Variants in BRAT1 observed in about 807,000 individuals in gnomAD.
The protein encoded by BRAT1 is integrator complex assembly factor BRAT1.
A neutral mutation model predicts 70.6 loss-of-function variants in BRAT1; 74 were observed. That is an observed-to-expected ratio of 1.05 (90% CI 0.87 to 1.27). The LOEUF is 1.27. Ranked by LOEUF, BRAT1 falls within the 50% of genes most tolerant of loss-of-function variation. The pLI, the probability that BRAT1 is intolerant of heterozygous loss-of-function variation, is 0.00. For missense variants in BRAT1, 1,203 were observed against 1,098.2 expected (o/e 1.10, Z -1.35); for synonymous variants, 615 against 517.1 (o/e 1.19, Z -2.57).
chr7:2,542,992 G>A (rs1335891236), intron 6 of BRAT1: 4 of 477,136 alleles, frequency 8.4e-6, no homozygotes, highest in Admixed American at 4.2e-5. Flanking sequence ...TGGGGATCTC[G>A]CAGAGCTTTG....
chr7:2,545,017 G>C lies in BRAT1; in HGVS notation c.322C>G (p.Pro108Ala). ...LLPGLFGEPG[P>A]LGRATWAVPT... ...ACGGCCCAGGTTGCTCGGCCGAGGG[G>C]TCCTGGCTCCCCAAAGAGCCCTGGT... Residue 108 changes from proline (P) to alanine (A), a missense_variant, in exon 4 of 14, where the codon CCC (proline) becomes GCC (alanine). By Grantham distance (27) the Pro-to-Ala change is conservative. Transcript: ENST00000340611. The C allele has an allele frequency of 6.5e-7, 1 of 1,531,860 alleles. No homozygotes were observed. The highest frequency in any genetic ancestry group is 1.2e-5 in the South Asian group (1 of 80,616). The allele number at this position is 1,531,860 out of a possible 1,614,324, so 94.9% of individuals were successfully genotyped here.
chr7:2,538,542 T>G lies in BRAT1; in HGVS notation c.1993A>C (p.Thr665Pro). 6.2e-7 allele frequency: 1 copy of G among 1,603,452 alleles called. No homozygotes were observed. The highest frequency in any genetic ancestry group is 8.5e-7 in the Non-Finnish European group (1 of 1,178,212). ...LELALVFLGQTLGPPRTHCPY... is the reference protein window; with the variant it reads ...LELALVFLGQPLGPPRTHCPY... ...CAGTGGGTACGCGGCGGCCCCAAAG[T>G]CTGGCCCAGGAACACGAGGGCCAGC... Residue 665 changes from threonine to proline, a missense_variant, in exon 14 of 14, where the codon ACT (threonine) becomes CCT (proline). Physicochemically the swap from Thr to Pro is conservative, Grantham distance 38. Transcript: ENST00000340611.
intron 2 of BRAT1, among the ~76,000 whole-genome samples, chr7:2,552,102 A>ATTTTTTTTT (rs1562593631): frequency 6.8e-5 from 1 of 14,714 alleles, no homozygotes; most frequent in African/African-American, 2.2e-4. Flanking sequence ...ATATATATAT[A>ATTTTTTTTT]TATATTTTTT....
Position 2,543,953 on chromosome 7 carries a change from T to TCGC in BRAT1, c.439_440insGCG (p.Val146_Asp147insGly). ...GTCTCCCTGCAGGGAGAAGATGGTG[T>TCGC]CGACCGCACCTGGGTAGGGGATGGG... On this transcript the variant is annotated inframe_insertion, in exon 5 of 14. Transcript: ENST00000340611. The surrounding 1 kb of genome is among the most constrained non-coding windows in gnomAD (Gnocchi z 5.5). 6.4e-7 allele frequency: 1 copy of TCGC among 1,570,478 alleles called. No homozygotes were observed. The highest frequency in any genetic ancestry group is 8.7e-7 in the Non-Finnish European group (1 of 1,152,588).
In BRAT1 at chr7:2,543,918, A is replaced by T. The variant is rs765633359; in HGVS notation, c.475T>A (p.Phe159Ile). Residue 159 changes from phenylalanine to isoleucine, a missense_variant, in exon 5 of 14, where the codon TTT (phenylalanine) becomes ATT (isoleucine). By Grantham distance (21) the Phe-to-Ile change is conservative. Coordinates refer to ENST00000340611, the MANE Select transcript of BRAT1 (RefSeq NM_152743.4). The surrounding 1 kb of genome is among the most constrained non-coding windows in gnomAD (Gnocchi z 5.5). ...AGCTGACTGGCCGCCGAGGCCACAA[A>T]CAGGCTGGAGTCTCCCTGCAGGGAG... ...IFSLQGDSSL[F>I]VASAASQLLV... The T allele has an allele frequency of 6.2e-7, 1 of 1,605,344 alleles. No homozygotes were observed. The highest frequency in any genetic ancestry group is 1.7e-5 in the Admixed American group (1 of 59,608).
chr7:2,547,603 C>T (rs1779710453), intron 2 of BRAT1, 125 bp from the exon 3 acceptor site: 1 of 1,031,682 alleles, frequency 9.7e-7, no homozygotes, highest in African/African-American at 1.6e-5. Context: ...AGGGATCCAA[C>T]TGGGAAAAAA....
Position 2,543,472 on chromosome 7 carries a change from G to C in BRAT1, c.803+118C>G. 1 of 1,477,080 alleles carries C rather than the reference G, an allele frequency of 6.8e-7. No homozygotes were observed. Among genetic ancestry groups the C allele is most frequent in the Non-Finnish European group, 9.0e-7 (1 of 1,116,646 alleles). 91.5% of individuals were successfully genotyped at this position (1,477,080 alleles called of 1,614,324 possible). A position where few individuals can be genotyped will look rare whatever the true frequency, so the allele number is the denominator to read the frequency against. The stretch of plus-strand genomic sequence containing the variant: ...AGGGTTCCAGGGTCACCCCGGTGCC[G>C]CTTCACTGCAGGCCATGTCCTCAGA... On this transcript the variant is annotated intron_variant, in intron 5 of 13. Coordinates refer to ENST00000340611, the MANE Select transcript of BRAT1 (RefSeq NM_152743.4). This position sits in a 1 kb window ranked among gnomAD's most constrained non-coding sequence, Gnocchi z 5.5.
intron 2 of BRAT1, among the ~76,000 whole-genome samples, chr7:2,553,821 T>G (rs1328167493): frequency 6.6e-6 from 1 of 151,832 alleles, no homozygotes; most frequent in Non-Finnish European, 1.5e-5. Context: ...TTTGTTTTTT[T>G]TTTTTTTAGA....
In BRAT1 at chr7:2,541,711, C is replaced by T; in HGVS notation, c.1134+7G>A. 8 of 1,604,260 alleles carry T rather than the reference C, an allele frequency of 5.0e-6. No homozygotes were observed. The highest frequency in any genetic ancestry group is 6.8e-6 in the Non-Finnish European group (8 of 1,176,806). ...GCTGGGCTGCATGAGGACCGGGCCG[C>T]ACCTACCAGCGGCTGCAGCTCCTCC... On this transcript the variant is annotated splice_region_variant and intron_variant, in intron 8 of 13. Coordinates refer to ENST00000340611, the MANE Select transcript of BRAT1 (RefSeq NM_152743.4).
chr7:2,553,278 G>A (rs1780172267), intron 2 of BRAT1, among the ~76,000 whole-genome samples: 1 of 152,130 alleles, frequency 6.6e-6, no homozygotes, highest in Non-Finnish European at 1.5e-5. Context: ...TGACCTACCC[G>A]CCTTGGCCTC....
chr7:2,544,028 G>C (rs1779399164), intron 4 of BRAT1, 66 bp from the exon 5 acceptor site: 3 of 1,033,730 alleles, frequency 2.9e-6, no homozygotes, highest in South Asian at 3.5e-5. Context: ...GGGAGGCAGA[G>C]GGCCTCAGGG....
In BRAT1 at chr7:2,542,125, G is replaced by C; in HGVS notation, c.1010C>G (p.Pro337Arg). Reference protein sequence around the residue: ...VLKATVQAPGPPGLLDGTADD... With the variant: ...VLKATVQAPGRPGLLDGTADD... ...GCCCTTTCTAAGCAGCACACCTGGG[G>C]GTCCGGGGGCCTGAACCGTGGCCTT... The change falls in exon 7 of 14, where the codon CCC becomes CGC. Residue 337 changes from proline to arginine, a missense_variant. Physicochemically the swap from Pro to Arg is moderately radical, Grantham distance 103. Coordinates refer to ENST00000340611, the MANE Select transcript of BRAT1 (RefSeq NM_152743.4). 1 of 1,548,150 alleles carries C rather than the reference G, an allele frequency of 6.5e-7. No homozygotes were observed. Among genetic ancestry groups the C allele is most frequent in the Non-Finnish European group, 8.7e-7 (1 of 1,147,488 alleles).
In BRAT1 at chr7:2,538,723, C is replaced by G; in HGVS notation, c.1812G>C (p.Ser604=). Residue 604 remains serine, a synonymous_variant, in exon 14 of 14, where the codon TCG becomes TCC. Coordinates refer to ENST00000340611, the MANE Select transcript of BRAT1 (RefSeq NM_152743.4). ...LELLHILSVD[S]EGFPRRAVMQ... is the part of the protein sequence containing the mutation. ...TGACCGCCCGCCGTGGGAAGCCCTC[C>G]GAGTCTACGGAGAGGATGTGCAGGA... is the stretch of plus-strand genomic sequence containing the variant. 5 of 1,598,412 alleles carry G rather than the reference C, an allele frequency of 3.1e-6. No individual in the cohort carries two copies. The highest frequency in any genetic ancestry group is 4.2e-6 in the Non-Finnish European group (5 of 1,179,868).
intron 1 of BRAT1, among the ~76,000 whole-genome samples, 181 bp from the exon 2 acceptor site, chr7:2,554,628 G>A (rs1269848009): frequency 1.3e-5 from 2 of 152,212 alleles, no homozygotes; most frequent in Non-Finnish European, 2.9e-5. Flanking sequence ...GCAAAGCTTT[G>A]GTCTAGGTGG....
At chr7:2,550,188 C>CA (rs1779896839) in intron 2 of BRAT1, among the ~76,000 whole-genome samples, 1 of 150,662 alleles carries the variant, frequency 6.6e-6, no homozygotes, top group Non-Finnish European at 1.5e-5. Flanking sequence ...AAAAAAATGC[C>CA]AGGCACAGTG....
In BRAT1 at chr7:2,541,565, T is replaced by C. The variant is rs959724972; in HGVS notation, c.1135-81A>G. 1.6e-5 allele frequency: 24 copies of C among 1,473,034 alleles called. No homozygotes were observed. The East Asian group carries it at 4.7e-4, about 29-fold the overall frequency. The allele number at this position is 1,473,034 out of a possible 1,614,324, so 91.2% of individuals were successfully genotyped here. On this transcript the variant is annotated intron_variant, in intron 8 of 13. Coordinates refer to ENST00000340611, the MANE Select transcript of BRAT1 (RefSeq NM_152743.4). ...AGGGGTGCTGGGACTTCGAGGCATG[T>C]GGGGCGGGGGACATCAGCCAAGGTT... is the stretch of plus-strand genomic sequence containing the variant.
In BRAT1 at chr7:2,538,414, G is replaced by C. The variant is rs1778856340; in HGVS notation, c.2121C>G (p.Ala707=). 2 of 1,613,522 alleles carry C rather than the reference G, an allele frequency of 1.2e-6. No homozygotes were observed. Among genetic ancestry groups the C allele is most frequent in the Middle Eastern group, 3.3e-4 (2 of 6,062 alleles). The change falls in exon 14 of 14, where the codon GCC becomes GCG. Residue 707 remains alanine, a synonymous_variant. Transcript: ENST00000340611. ...HVGLFDFAFC[A]LFDCDRPVAQ... is the part of the protein sequence containing the mutation. ...CCACAGGGCGGTCGCAGTCAAACAA[G>C]GCACAAAAGGCGAAGTCAAAGAGCC...
intron 3 of BRAT1, among the ~76,000 whole-genome samples, chr7:2,546,624 A>C (rs1165910705): frequency 6.6e-6 from 1 of 151,612 alleles, no homozygotes. Flanking sequence ...AGTCCCAGAT[A>C]CTCGGGAGGC....
At chr7:2,538,834 G>C in intron 13 of BRAT1, 70 bp from the exon 14 acceptor site, 13 of 1,571,088 alleles carry the variant, frequency 8.3e-6, no homozygotes, top group Non-Finnish European at 1.1e-5. Flanking sequence ...ACAGGACTCC[G>C]GTACATGATG....
Sources: gnomAD v4.1 joint callset for allele counts (sites outside exome capture counted in the v4.1 genomes callset) on GRCh38, gnomAD v4.1.1 for gene constraint, Gnocchi (gnomAD v3.1) non-coding constraint, MANE v1.5 for transcripts, NCBI Gene and HGNC (gene_info 2026-07-23, HGNC 2026-07-21) for gene names.